Variants in MMEL1 observed in about 807,000 individuals in gnomAD.
The protein encoded by MMEL1 is membrane metalloendopeptidase like 1.
MMEL1 carries 98 observed loss-of-function variants against 117.1 expected under a neutral mutation model. That is an observed-to-expected ratio of 0.84 (90% CI 0.71 to 0.99). The LOEUF is 0.99. Among genes scored for constraint, MMEL1 ranks in the 50% least tolerant of loss-of-function variants. The probability of loss-of-function intolerance (pLI) is 0.00; values close to 1 mark genes in which losing one functional copy is unlikely to be tolerated. For missense variants in MMEL1, 1,014 were observed against 1,049.1 expected, an observed-to-expected ratio of 0.97 and a Z score of 0.46; for synonymous variants, 390 against 415.1, an observed-to-expected ratio of 0.94 and a Z score of 0.74.
rs2100929310 is a variant in MMEL1, at chr1:2,595,021, TGGGTGCAGGTGAA to T, written c.1585-141_1585-129del. 1 of 774,842 alleles carries T rather than the reference TGGGTGCAGGTGAA, an allele frequency of 1.3e-6. No individual in the cohort carries two copies. The highest frequency in any genetic ancestry group is 1.7e-5 in the African/African-American group (1 of 57,734). The allele number at this position is 774,842 out of a possible 1,614,324, so 48.0% of individuals were successfully genotyped here. A position where few individuals can be genotyped will look rare whatever the true frequency, so the allele number is the denominator to read the frequency against. On this transcript the variant is annotated intron_variant, in intron 16 of 23. Transcript: ENST00000378412. This position sits in a 1 kb window ranked among gnomAD's most constrained non-coding sequence, Gnocchi z 4.8. ...GCGTCCGCACGTGGACAGTCGGCTGTGGGTGCAGGTGAACGGGGCAGCCCTGGCTGTGGGCATT... is the reference window on the plus strand; with the variant it reads ...GCGTCCGCACGTGGACAGTCGGCTGTCGGGGCAGCCCTGGCTGTGGGCATT...
intron 11 of MMEL1, among the ~76,000 whole-genome samples, chr1:2,602,648 C>T (rs11585048): frequency 0.4 from 60,684 of 151,988 alleles, 12,829 homozygotes; most frequent in African/African-American, 0.52. Flanking sequence ...ACCCCCACTC[C>T]TCTCGGGCAG....
rs184568679 is a variant in MMEL1 at position 2,632,751 on chromosome 1, C to T, written c.-38+115G>A. 4.2e-3 allele frequency: 2,590 copies of T among 617,112 alleles called. 19 individuals carry two copies. The highest frequency in any genetic ancestry group is 0.01 in the Middle Eastern group (13 of 1,242). The allele number at this position is 617,112 out of a possible 1,614,324, so 38.2% of individuals were successfully genotyped here. On this transcript the variant is annotated intron_variant, in intron 1 of 23. Coordinates refer to ENST00000378412, the MANE Select transcript of MMEL1 (RefSeq NM_033467.4). ...ACTGCACACAGGACGCCCTGCCCAG[C>T]CTCCTGAGAAAGGGGCTGAGCGCCT...
chr1:2,606,948 G>A, intron 7 of MMEL1, 26 bp downstream of exon 7: 2 of 1,600,630 alleles, frequency 1.2e-6, no homozygotes, highest in Non-Finnish European at 1.7e-6. Context: ...GTCTGTCTGT[G>A]AGGCTGCTGC....
chr1:2,594,093 A>C (rs1046317448), intron 18 of MMEL1, 160 bp from the exon 19 acceptor site: 7 of 1,053,142 alleles, frequency 6.6e-6, no homozygotes, highest in East Asian at 2.6e-5. Context: ...ACGGAGGTTC[A>C]GAGGCTGGGC....
chr1:2,604,482 G>A (rs12080046), intron 9 of MMEL1, among the ~76,000 whole-genome samples: 2,013 of 152,316 alleles, frequency 0.013, 41 homozygotes, highest in African/African-American at 0.045. Context: ...GCCACTGGAC[G>A]GGGTACCTAG....
rs200242501 is a variant in MMEL1 at position 2,606,978 on chromosome 1, G to A, written c.627C>T (p.Thr209=). The stretch of plus-strand genomic sequence containing the variant: ...TGCTGCCAGGCCCGGCCTTACCTAC[G>A]GTCTCGTTCCACCTGTCCATCGCCA... The part of the protein sequence containing the change: ...WPVAMDRWNE[T]VGLEWELERQ... Residue 209 remains threonine (T), a synonymous_variant, in exon 7 of 24, where the codon ACC becomes ACT. Transcript: ENST00000378412. 6.5e-4 allele frequency: 1,052 copies of A among 1,612,190 alleles called. 4 individuals are homozygous for A. The highest frequency in any genetic ancestry group is 3.0e-3 in the South Asian group (273 of 91,074).
At chr1:2,616,936 C>A (rs1645210601) in intron 2 of MMEL1, among the ~76,000 whole-genome samples, 2 of 152,186 alleles carry the variant, frequency 1.3e-5, no homozygotes, top group Admixed American at 6.5e-5. Flanking sequence ...TCAAGGGCTG[C>A]CTGAGGATGT....
At chr1:2,596,986 T>C (rs187393793) in intron 13 of MMEL1, among the ~76,000 whole-genome samples, 1 of 151,978 alleles carries the variant, frequency 6.6e-6, no homozygotes, top group East Asian at 1.9e-4. Flanking sequence ...TGGACTCTGC[T>C]CTCCAGGACT....
rs374801444 is a variant in MMEL1, at chr1:2,604,760, C to T, written c.817-479G>A. On this transcript the variant is annotated intron_variant, in intron 9 of 23. Coordinates refer to ENST00000378412, the MANE Select transcript of MMEL1 (RefSeq NM_033467.4). ...TTGCTCCTCAGGGAGCTGCCTTCCT[C>T]GCGCTGGGCAGGGCTTCCCCAGTGC... 8.5e-5 allele frequency among the ~76,000 whole-genome samples: 13 copies of T among 152,266 alleles called. No individual in the cohort carries two copies. In the East Asian group the frequency reaches 1.7e-3, roughly 20 times the overall value.
chr1:2,621,266 C>CA (rs1281366464), intron 2 of MMEL1, among the ~76,000 whole-genome samples: 1 of 152,206 alleles, frequency 6.6e-6, no homozygotes, highest in Admixed American at 6.5e-5. Context: ...GCCTGAGTGA[C>CA]AGAGTGAGAC....
At chr1:2,613,709 A>C (rs1229470792) in intron 2 of MMEL1, among the ~76,000 whole-genome samples, 1 of 151,942 alleles carries the variant, frequency 6.6e-6, no homozygotes, top group Non-Finnish European at 1.5e-5. Flanking sequence ...AGGACGTTCA[A>C]GCATGGCGGC....
intron 2 of MMEL1, among the ~76,000 whole-genome samples, chr1:2,617,460 C>T (rs556095918): frequency 1.6e-4 from 23 of 145,112 alleles, no homozygotes; most frequent in East Asian, 1.4e-3. Context: ...ATTAGTCAGG[C>T]GTGGTGGTGC....
At chr1:2,596,172 G>A in intron 14 of MMEL1, 65 bp from the exon 15 acceptor site, 1 of 1,450,708 alleles carries the variant, frequency 6.9e-7, no homozygotes, top group Non-Finnish European at 9.6e-7. Context: ...AGCCTCAAGG[G>A]CTTTGGGGAG....
At chr1:2,591,442 C>G (rs1274303543) in intron 23 of MMEL1, 115 bp downstream of exon 23, 1 of 863,092 alleles carries the variant, frequency 1.2e-6, no homozygotes, top group Non-Finnish European at 1.9e-6. Flanking sequence ...GGTTTATTCC[C>G]AAAATAAACC....
At position 2,629,399 on chromosome 1, in the gene MMEL1, AGCC is replaced by A; in HGVS notation, c.83_85del (p.Gly28_Leu29delinsVal). The A allele has an allele frequency of 6.5e-7, 1 of 1,545,864 alleles. No individual in the cohort carries two copies. The highest frequency in any genetic ancestry group is 1.2e-5 in the South Asian group (1 of 83,954). On this transcript the variant is annotated inframe_deletion, in exon 2 of 24. Coordinates refer to ENST00000378412, the MANE Select transcript of MMEL1 (RefSeq NM_033467.4). ...GGTCACCAGCAGCAGCAGCAGCAGC[AGCC>A]CCCCCTCCAGGAACCCCGGGCGCTT...
chr1:2,603,926 G>A lies in MMEL1; in HGVS notation c.999C>T (p.His333=). The A allele has an allele frequency of 6.2e-7, 1 of 1,613,932 alleles. No homozygotes were observed. The highest frequency in any genetic ancestry group is 8.5e-7 in the Non-Finnish European group (1 of 1,180,010). Residue 333 remains histidine, a synonymous_variant, in exon 11 of 24, where the codon CAC becomes CAT. Coordinates refer to ENST00000378412, the MANE Select transcript of MMEL1 (RefSeq NM_033467.4). The part of the protein sequence containing the change: ...EERHDVIALY[H]RMGLEELQSQ... ...TTTGCAGCTCCTCCAGTCCCATCCGGTGGTACAAGGCGATGACGTCGTGTC... is the reference window on the plus strand; with the variant it reads ...TTTGCAGCTCCTCCAGTCCCATCCGATGGTACAAGGCGATGACGTCGTGTC...
intron 2 of MMEL1, among the ~76,000 whole-genome samples, chr1:2,620,463 G>A (rs1645272951): frequency 6.6e-6 from 1 of 152,206 alleles, no homozygotes; most frequent in Non-Finnish European, 1.5e-5. Context: ...TCAAATGCGT[G>A]TGGGATTCAG....
rs1001652989 is a variant in MMEL1 at position 2,595,627 on chromosome 1, G to C, written c.1501-268C>G. 6.6e-6 allele frequency among the ~76,000 whole-genome samples: 1 copy of C among 152,142 alleles called. No individual in the cohort carries two copies. The highest frequency in any genetic ancestry group is 1.5e-5 in the Non-Finnish European group (1 of 68,008). Reference sequence around the variant, plus strand: ...CCGCCAGGGGTCCGGGTGGGGGCAGGGGCCCTGGAGGGGTCACTCGGCTGC... The same window carrying C: ...CCGCCAGGGGTCCGGGTGGGGGCAGCGGCCCTGGAGGGGTCACTCGGCTGC... On this transcript the variant is annotated intron_variant, in intron 15 of 23. Coordinates refer to ENST00000378412, the MANE Select transcript of MMEL1 (RefSeq NM_033467.4). The surrounding 1 kb of genome is among the most constrained non-coding windows in gnomAD (Gnocchi z 4.8).
At chr1:2,613,284 G>A (rs1192951359) in intron 2 of MMEL1, among the ~76,000 whole-genome samples, 2 of 152,234 alleles carry the variant, frequency 1.3e-5, no homozygotes, top group African/African-American at 4.8e-5. Flanking sequence ...GCAACGGAAA[G>A]GAGGTGGTGA....
Sources: allele counts gnomAD v4.1 joint callset (sites outside exome capture counted in the v4.1 genomes callset), GRCh38; gene constraint gnomAD v4.1.1; non-coding constraint Gnocchi (gnomAD v3.1); transcripts MANE v1.5; gene names NCBI Gene and HGNC (gene_info 2026-07-23, HGNC 2026-07-21).